Variants in PHF2 observed in about 807,000 individuals in gnomAD.
The protein encoded by PHF2 is lysine-specific demethylase PHF2.
A neutral mutation model predicts 120.5 loss-of-function variants in PHF2; 27 were observed. The observed-to-expected ratio is 0.22, with a 90% confidence interval of 0.17 to 0.31. The LOEUF is 0.31. PHF2 is among the 10% of genes least tolerant of loss of function. PHF2 has a pLI of 1.00. For synonymous variants in PHF2, 568 were observed against 592.5 expected, an observed-to-expected ratio of 0.96 and a Z score of 0.60; for missense variants, 1,024 against 1,434.8, an observed-to-expected ratio of 0.71 and a Z score of 4.63.
intron 1 of PHF2, among the ~76,000 whole-genome samples, chr9:93,590,131 T>C (rs867168502): frequency 2.3e-4 from 35 of 152,270 alleles, no homozygotes; most frequent in African/African-American, 8.0e-4. Context: ...ATCGTCAGAT[T>C]GGTTGTACTG....
intron 1 of PHF2, among the ~76,000 whole-genome samples, chr9:93,615,575 G>A (rs145129680): frequency 5.3e-5 from 8 of 152,258 alleles, no homozygotes; most frequent in African/African-American, 1.7e-4. Context: ...ACTCACTGAC[G>A]TTGAGTACCT....
chr9:93,665,943 G>A, intron 15 of PHF2, 47 bp from the exon 16 acceptor site: 1 of 1,611,922 alleles, frequency 6.2e-7, no homozygotes, highest in South Asian at 1.1e-5. Context: ...AGGGTGGCTG[G>A]CTCCCCGCAA....
intron 1 of PHF2, among the ~76,000 whole-genome samples, chr9:93,578,448 C>T (rs976767793): frequency 6.6e-6 from 1 of 152,218 alleles, no homozygotes; most frequent in South Asian, 2.1e-4. Flanking sequence ...TGCTGAGCTG[C>T]TGGCCCTGAA....
intron 1 of PHF2, among the ~76,000 whole-genome samples, chr9:93,613,759 G>A (rs1825677358): frequency 1.3e-5 from 2 of 151,930 alleles, no homozygotes; most frequent in Admixed American, 1.3e-4. Flanking sequence ...TTTTTGTAGA[G>A]AGAGTCTTAT....
intron 1 of PHF2, among the ~76,000 whole-genome samples, chr9:93,578,857 T>C (rs149908822): frequency 6.6e-6 from 1 of 152,336 alleles, no homozygotes; most frequent in East Asian, 1.9e-4. Context: ...GGTCTCTGAT[T>C]GAATCCAATA....
At chr9:93,658,085 G>C (rs1235261583) in intron 9 of PHF2, 60 bp from the exon 10 acceptor site, 22 of 1,201,220 alleles carry the variant, frequency 1.8e-5, no homozygotes, top group Non-Finnish European at 2.4e-5. Flanking sequence ...ATGTGGCTGG[G>C]CATGAAGGCA....
At chr9:93,582,303 C>T (rs1862946574) in intron 1 of PHF2, among the ~76,000 whole-genome samples, 1 of 152,206 alleles carries the variant, frequency 6.6e-6, no homozygotes, top group African/African-American at 2.4e-5. Context: ...GGGCTGATAA[C>T]TGCTCGTGTC....
At chr9:93,645,567 C>T in intron 3 of PHF2, 62 bp from the exon 4 acceptor site, 1 of 1,489,426 alleles carries the variant, frequency 6.7e-7, no homozygotes. Flanking sequence ...GCCCTGTCCA[C>T]ACCTGTCCCG....
intron 12 of PHF2, among the ~76,000 whole-genome samples, chr9:93,660,782 C>T (rs1410542290): frequency 2.0e-5 from 3 of 152,194 alleles, no homozygotes; most frequent in Non-Finnish European, 4.4e-5. Flanking sequence ...CCCAGACCCC[C>T]CAGAGTGGAC....
intron 17 of PHF2, chr9:93,670,879 G>T: frequency 3.7e-6 from 2 of 538,144 alleles, no homozygotes; most frequent in Non-Finnish European, 4.7e-6. Flanking sequence ...GGGGCCACCT[G>T]AAGCTGAGGG....
At chr9:93,660,990 C>T (rs1034771150) in intron 12 of PHF2, among the ~76,000 whole-genome samples, 1 of 151,820 alleles carries the variant, frequency 6.6e-6, no homozygotes, top group Admixed American at 6.6e-5. Flanking sequence ...GACAAAGAAG[C>T]CCTGGGTCCT....
chr9:93,664,515 T>C (rs1165973641), intron 14 of PHF2, among the ~76,000 whole-genome samples: 4 of 152,172 alleles, frequency 2.6e-5, no homozygotes, highest in Non-Finnish European at 4.4e-5. Flanking sequence ...ACTGACTAAC[T>C]TGGCCAGGTT....
At position 93,598,406 on chromosome 9, in the gene PHF2, G is replaced by T. The variant is rs115292545; in HGVS notation, c.98+21535G>T. On this transcript the variant is annotated intron_variant, in intron 1 of 21. Transcript: ENST00000359246. ...GGATGGCAGTCCAGAGGGACATTGG[G>T]TGTTTGTCGGGCTGTCAGTCCATGG... 4.0e-3 allele frequency among the ~76,000 whole-genome samples: 602 copies of T among 152,314 alleles called. 7 individuals are homozygous for T. Among genetic ancestry groups the T allele is most frequent in the African/African-American group, 0.014 (587 of 41,568 alleles).
intron 1 of PHF2, among the ~76,000 whole-genome samples, chr9:93,627,863 G>T (rs1303960109): frequency 6.6e-6 from 1 of 152,166 alleles, no homozygotes; most frequent in Non-Finnish European, 1.5e-5. Flanking sequence ...TGAGGCAGAG[G>T]GCTGTGCCAG....
At chr9:93,645,924 G>A (rs1482600956) in intron 4 of PHF2, 135 bp downstream of exon 4, 6 of 994,740 alleles carry the variant, frequency 6.0e-6, no homozygotes, top group South Asian at 2.0e-5. Flanking sequence ...AAGGCTCACC[G>A]TACTCTGTTC....
intron 1 of PHF2, among the ~76,000 whole-genome samples, chr9:93,624,361 G>GTGATGGTGATGAAAA (rs1825872068): frequency 1.3e-5 from 2 of 151,952 alleles, no homozygotes; most frequent in African/African-American, 4.8e-5. Flanking sequence ...AGCATTGTTG[G>GTGATGGTGATGAAAA]TGATGGTGAT....
intron 17 of PHF2, among the ~76,000 whole-genome samples, chr9:93,670,834 G>C (rs1455038498): frequency 1.3e-5 from 2 of 152,164 alleles, no homozygotes; most frequent in Non-Finnish European, 2.9e-5. Flanking sequence ...CAGAGGAGGA[G>C]GATGCGGATG....
chr9:93,659,264 T>A (rs10761251), intron 10 of PHF2, among the ~76,000 whole-genome samples: 93,446 of 152,126 alleles, frequency 0.61, 29,160 homozygotes, highest in Non-Finnish European at 0.66. Flanking sequence ...GATGGGACCC[T>A]TGTCCATTCC....
At chr9:93,596,138 G>T (rs1453378376) in intron 1 of PHF2, among the ~76,000 whole-genome samples, 4 of 152,206 alleles carry the variant, frequency 2.6e-5, no homozygotes, top group Non-Finnish European at 5.9e-5. Flanking sequence ...GCCGCATGGA[G>T]TGGGGGCTGT....
Sources: gnomAD v4.1 joint callset for allele counts (sites outside exome capture counted in the v4.1 genomes callset) on GRCh38, gnomAD v4.1.1 for gene constraint, MANE v1.5 for transcripts, NCBI Gene and HGNC (gene_info 2026-07-23, HGNC 2026-07-21) for gene names.